DOCK11: variants seen among roughly 807,000 people sequenced by gnomAD.
DOCK11 encodes the protein dedicator of cytokinesis protein 11.
In DOCK11, 70 loss-of-function variants were observed where a neutral mutation model predicts 169.1. The ratio of observed to expected loss-of-function variants is 0.41; its 90% CI spans 0.34 to 0.51. DOCK11 has a LOEUF of 0.51. Ranked by LOEUF, DOCK11 falls within the 20% of genes least tolerant of loss-of-function variation. The pLI is 0.10. For missense variants in DOCK11, 1,166 were observed against 1,538.8 expected (o/e 0.76, Z 4.05); for synonymous variants, 529 against 541.3 (o/e 0.98, Z 0.32).
intron 1 of DOCK11, among the ~76,000 whole-genome samples, chrX:118,531,908 G>A (rs772646547): frequency 6.3e-5 from 7 of 111,108 alleles, no homozygotes; most frequent in Admixed American, 1.9e-4. Flanking sequence ...TGAAGTCATC[G>A]CCACAATTTT....
intron 48 of DOCK11, among the ~76,000 whole-genome samples, chrX:118,679,918 ATTT>A (rs55756738): frequency 0.13 from 7,010 of 55,335 alleles, 273 homozygotes; most frequent in Admixed American, 0.19. Context: ...GATTACAGTA[ATTT>A]TTTTTTTTTT....
At chrX:118,661,209 C>CAA (rs752353678) in intron 44 of DOCK11, among the ~76,000 whole-genome samples, 2 of 68,574 alleles carry the variant, frequency 2.9e-5, no homozygotes, top group Non-Finnish European at 2.9e-5. Flanking sequence ...ACTCTGTCTC[C>CAA]AAAAAAAAAA....
chrX:118,630,539 A>C, intron 35 of DOCK11, 49 bp downstream of exon 35: 1 of 782,350 alleles, frequency 1.3e-6, no homozygotes, highest in Non-Finnish European at 1.9e-6. Flanking sequence ...ATACACCCTC[A>C]CAGGTTCACA....
At chrX:118,532,384 T>A (rs776352722) in intron 1 of DOCK11, among the ~76,000 whole-genome samples, 9 of 110,805 alleles carry the variant, frequency 8.1e-5, no homozygotes, top group Non-Finnish European at 1.5e-4. Context: ...GACCAGGATG[T>A]GTTAGGGCCA....
At chrX:118,651,652 T>A (rs1433823889) in intron 41 of DOCK11, among the ~76,000 whole-genome samples, 4 of 112,236 alleles carry the variant, frequency 3.6e-5, no homozygotes, top group Non-Finnish European at 7.5e-5. Context: ...ATATTTAAAA[T>A]GGAGACCTGA....
intron 46 of DOCK11, 36 bp from the exon 47 acceptor site, chrX:118,675,900 A>G: frequency 1.1e-6 from 1 of 905,119 alleles, no homozygotes; most frequent in Non-Finnish European, 1.5e-6. Flanking sequence ...TAATTAAACA[A>G]AAAACAAAGC....
intron 44 of DOCK11, among the ~76,000 whole-genome samples, chrX:118,660,571 T>A (rs921963766): frequency 1.8e-5 from 2 of 109,838 alleles, no homozygotes; most frequent in Non-Finnish European, 3.8e-5. Flanking sequence ...TTCACGCCAT[T>A]CTCCTGCCTC....
intron 39 of DOCK11, among the ~76,000 whole-genome samples, chrX:118,642,933 T>C (rs906082940): frequency 8.9e-6 from 1 of 112,139 alleles, no homozygotes; most frequent in African/African-American, 3.2e-5. Flanking sequence ...ATTTACATAG[T>C]CTGTTCAATT....
chrX:118,501,707 C>T (rs1427337717), intron 1 of DOCK11, among the ~76,000 whole-genome samples: 1 of 111,713 alleles, frequency 9.0e-6, no homozygotes, highest in African/African-American at 3.3e-5. Context: ...CTTGCTTGCT[C>T]AAAGATTACA....
At chrX:118,672,112 T>C (rs1305109371) in intron 46 of DOCK11, among the ~76,000 whole-genome samples, 1 of 112,592 alleles carries the variant, frequency 8.9e-6, no homozygotes, top group African/African-American at 3.2e-5. Context: ...TAGACATGAT[T>C]CTATTCTTTA....
intron 19 of DOCK11, 31 bp from the exon 20 acceptor site, chrX:118,593,183 A>T (rs1266075085): frequency 8.5e-7 from 1 of 1,178,666 alleles, no homozygotes; most frequent in Non-Finnish European, 1.1e-6. Flanking sequence ...GAGAAAACGA[A>T]GTTCCATGTG....
At chrX:118,626,743 C>A (rs1369480135) in intron 32 of DOCK11, among the ~76,000 whole-genome samples, 1 of 112,324 alleles carries the variant, frequency 8.9e-6, no homozygotes, top group Non-Finnish European at 1.9e-5. Context: ...CTACACCTAC[C>A]TGAGTGTCAG....
At chrX:118,528,605 T>C (rs1004367458) in intron 1 of DOCK11, among the ~76,000 whole-genome samples, 1 of 111,271 alleles carries the variant, frequency 9.0e-6, no homozygotes, top group African/African-American at 3.3e-5. Flanking sequence ...TAAGGTCTTA[T>C]GGTAACATTT....
intron 30 of DOCK11, chrX:118,616,253 C>T (rs771354988): frequency 2.2e-5 from 21 of 952,027 alleles, no homozygotes; most frequent in South Asian, 1.0e-4. Flanking sequence ...AGGTTTAACT[C>T]GGTTCACTCT....
chrX:118,605,468 A>G, intron 24 of DOCK11, 112 bp downstream of exon 24: 3 of 495,009 alleles, frequency 6.1e-6, no homozygotes, highest in South Asian at 3.5e-5. Flanking sequence ...GTTGCATTCC[A>G]TAGGTTTTGG....
At chrX:118,565,777 C>T (rs1285455969) in intron 7 of DOCK11, among the ~76,000 whole-genome samples, 1 of 111,707 alleles carries the variant, frequency 9.0e-6, no homozygotes. Flanking sequence ...CAACTTTATA[C>T]ATATTCATAC....
In DOCK11 at chrX:118,659,050, A is replaced by T. The variant is rs572944364; in HGVS notation, c.4970-3636A>T. Among the ~76,000 whole-genome samples the T allele has an allele frequency of 1.1e-4, 12 of 111,590 alleles. No homozygotes were observed. In the South Asian group the frequency reaches 4.5e-3, roughly 41 times the overall value. On this transcript the variant is annotated intron_variant, in intron 44 of 52. Coordinates refer to ENST00000276202, the MANE Select transcript of DOCK11 (RefSeq NM_144658.4). ...TCCAGGATCTGATAGCTTGAGTTTC[A>T]TGAAGCTTTTTATTCCCTCATTCTT...
chrX:118,647,879 A>G (rs1371320136), intron 40 of DOCK11, among the ~76,000 whole-genome samples: 1 of 53,477 alleles, frequency 1.9e-5, no homozygotes, highest in Non-Finnish European at 3.0e-5. Context: ...TGTAATATAT[A>G]ATATTTAATA....
rs149027952 is a variant in DOCK11, at chrX:118,542,520, T to TTATGTGTG, written c.103-204_103-203insATGTGTGT. Reference sequence around the variant, plus strand: ...AATGTCTGTGTGTGTGTGTGTGTGTTTGTGTGTGTGTGTGTGTGTGTGTGT... The same window carrying TTATGTGTG: ...AATGTCTGTGTGTGTGTGTGTGTGTTTATGTGTGTGTGTGTGTGTGTGTGTGTGTGTGT... On this transcript the variant is annotated intron_variant, in intron 1 of 52. Transcript: ENST00000276202. Among the ~76,000 whole-genome samples the TTATGTGTG allele has an allele frequency of 1.8e-3, 182 of 103,977 alleles. 1 individual carries two copies. Among genetic ancestry groups the TTATGTGTG allele is most frequent in the South Asian group, 0.012 (28 of 2,374 alleles). 90.3% of individuals were successfully genotyped at this position (103,977 alleles called of 115,157 possible).
Sources: allele counts gnomAD v4.1 joint callset (sites outside exome capture counted in the v4.1 genomes callset), GRCh38; gene constraint gnomAD v4.1.1; transcripts MANE v1.5; gene names NCBI Gene and HGNC (gene_info 2026-07-23, HGNC 2026-07-21).